FAM13A: variants seen among roughly 807,000 people sequenced by gnomAD.
FAM13A encodes family with sequence similarity 13 member A.
In FAM13A, 76 loss-of-function variants were observed where a neutral mutation model predicts 129.6. The ratio of observed to expected loss-of-function variants is 0.59; its 90% CI spans 0.49 to 0.71. The LOEUF (loss-of-function observed/expected upper bound fraction) is 0.71, where lower values mean the gene tolerates loss of function less well. FAM13A is among the 30% of genes least tolerant of loss of function. The pLI, the probability that FAM13A is intolerant of heterozygous loss-of-function variation, is 0.00. For missense variants in FAM13A, 1,108 were observed against 1,249.3 expected, an observed-to-expected ratio of 0.89 and a Z score of 1.70; for synonymous variants, 443 against 449.9, an observed-to-expected ratio of 0.98 and a Z score of 0.20.
At chr4:89,012,738 C>T (rs1765902735) in intron 3 of FAM13A, among the ~76,000 whole-genome samples, 1 of 152,088 alleles carries the variant, frequency 6.6e-6, no homozygotes, top group African/African-American at 2.4e-5. Flanking sequence ...TGAAAAAATA[C>T]TTAGGGCTCC....
At chr4:88,987,714 C>T (rs1020420279) in intron 4 of FAM13A, among the ~76,000 whole-genome samples, 10 of 151,384 alleles carry the variant, frequency 6.6e-5, no homozygotes, top group Non-Finnish European at 1.2e-4. Context: ...TGGTGGCGGG[C>T]GCCTGTAGTC....
chr4:88,969,722 A>G (rs917159367), intron 4 of FAM13A, among the ~76,000 whole-genome samples: 2 of 152,206 alleles, frequency 1.3e-5, no homozygotes, highest in African/African-American at 2.4e-5. Flanking sequence ...TTAATCCTCC[A>G]GTCTTTATCA....
At chr4:89,013,466 C>A (rs908259724) in intron 3 of FAM13A, among the ~76,000 whole-genome samples, 4 of 151,134 alleles carry the variant, frequency 2.6e-5, no homozygotes, top group Non-Finnish European at 1.5e-5. Flanking sequence ...CTCTATTTGG[C>A]AGCTTACATA....
chr4:88,841,420 G>C (rs1227263494), intron 7 of FAM13A, among the ~76,000 whole-genome samples: 1 of 151,238 alleles, frequency 6.6e-6, no homozygotes. Flanking sequence ...TTTGAACCCG[G>C]GAGGCGGAGG....
intron 5 of FAM13A, among the ~76,000 whole-genome samples, chr4:88,924,751 A>G (rs1751793592): frequency 6.6e-6 from 1 of 151,720 alleles, no homozygotes; most frequent in Non-Finnish European, 1.5e-5. Context: ...AGAAACTACC[A>G]TCAGAGTGAA....
chr4:88,904,583 C>T (rs993399964), intron 6 of FAM13A, among the ~76,000 whole-genome samples: 35 of 152,116 alleles, frequency 2.3e-4, no homozygotes, highest in African/African-American at 6.5e-4. Flanking sequence ...ACATGGACAC[C>T]GGGAGGGGAA....
intron 3 of FAM13A, among the ~76,000 whole-genome samples, chr4:89,005,106 CTTCT>C (rs146701331): frequency 0.13 from 19,631 of 151,898 alleles, 1,462 homozygotes; most frequent in Non-Finnish European, 0.17. Context: ...CTGTTGTTTA[CTTCT>C]TTGTGTTCAT....
rs562696140 is a variant in FAM13A at position 88,781,988 on chromosome 4, AATG to A, written c.1272-640_1272-638del. Among the ~76,000 whole-genome samples, 559 of 136,436 alleles carry A rather than the reference AATG, an allele frequency of 4.1e-3. 1 individual carries two copies. The highest frequency in any genetic ancestry group is 0.012 in the African/African-American group (481 of 38,860). 89.5% of individuals were successfully genotyped at this position (136,436 alleles called of 152,430 possible). The stretch of plus-strand genomic sequence containing the variant: ...ACATGTACCCTAAAACTTAAAGTAT[AATG>A]ATAATAAAATAAAAAAAATTAAAAA... On this transcript the variant is annotated intron_variant, in intron 10 of 23. Coordinates refer to ENST00000264344, the MANE Select transcript of FAM13A (RefSeq NM_014883.4).
At chr4:88,877,233 CA>C (rs1037867879) in intron 6 of FAM13A, among the ~76,000 whole-genome samples, 6 of 152,102 alleles carry the variant, frequency 3.9e-5, no homozygotes, top group Non-Finnish European at 8.8e-5. Context: ...AATTCTTTAG[CA>C]AAAATTTAAT....
rs1053921089 is a variant in FAM13A, at chr4:88,963,449, C to T, written c.606-25208G>A. ...GGTAGCTAGGATTATAGGCACCTGC[C>T]ACCATGCCCAGCGAATTTTTGTATT... On this transcript the variant is annotated intron_variant, in intron 4 of 23. Transcript: ENST00000264344. Among the ~76,000 whole-genome samples the T allele has an allele frequency of 3.3e-5, 5 of 152,196 alleles. No homozygotes were observed. The East Asian group carries it at 9.6e-4, about 29-fold the overall frequency.
chr4:88,868,648 G>A (rs17815876), intron 6 of FAM13A, among the ~76,000 whole-genome samples: 107,741 of 152,050 alleles, frequency 0.71, 39,651 homozygotes, highest in East Asian at 0.95. Context: ...ATTGCCTGCT[G>A]TTTTCCTAGA....
chr4:88,904,931 T>C (rs1366289630), intron 6 of FAM13A, among the ~76,000 whole-genome samples: 4 of 152,206 alleles, frequency 2.6e-5, no homozygotes, highest in Non-Finnish European at 5.9e-5. Flanking sequence ...TTAAAATTTA[T>C]GTAAATACTT....
chr4:89,022,534 A>G (rs1024007888), intron 2 of FAM13A, among the ~76,000 whole-genome samples: 3 of 152,198 alleles, frequency 2.0e-5, no homozygotes, highest in African/African-American at 7.2e-5. Flanking sequence ...CACCACCTAA[A>G]TGGAAGAGAT....
chr4:88,832,791 A>T (rs1408520451), intron 7 of FAM13A, among the ~76,000 whole-genome samples: 3 of 152,232 alleles, frequency 2.0e-5, no homozygotes, highest in Admixed American at 6.5e-5. Flanking sequence ...GGAAATGTAA[A>T]CTAGTTCAAC....
intron 5 of FAM13A, among the ~76,000 whole-genome samples, chr4:88,921,397 C>A (rs1251589591): frequency 6.6e-6 from 1 of 152,154 alleles, no homozygotes; most frequent in Non-Finnish European, 1.5e-5. Flanking sequence ...GGCCAATATT[C>A]AACATTCTTA....
At chr4:88,855,693 A>G (rs1184070479) in intron 6 of FAM13A, 2 of 128,592 alleles carry the variant, frequency 1.6e-5, no homozygotes, top group Non-Finnish European at 3.1e-5. Context: ...AAAATTGAAT[A>G]AGGAACCCAT....
chr4:88,925,426 A>T (rs1461570493), intron 5 of FAM13A, among the ~76,000 whole-genome samples: 1 of 152,100 alleles, frequency 6.6e-6, no homozygotes, highest in Non-Finnish European at 1.5e-5. Flanking sequence ...GAAATTGGAA[A>T]TCATCATTCT....
intron 6 of FAM13A, among the ~76,000 whole-genome samples, chr4:88,852,544 C>G (rs966608281): frequency 2.0e-5 from 3 of 152,146 alleles, no homozygotes; most frequent in African/African-American, 7.2e-5. Context: ...TTACACATTG[C>G]CTGATACTTT....
chr4:88,737,505 C>T lies in FAM13A; in HGVS notation c.2613G>A (p.Glu871=), dbSNP rs1739239796. The T allele has an allele frequency of 6.2e-7, 1 of 1,613,982 alleles. No homozygotes were observed. Among genetic ancestry groups the T allele is most frequent in the South Asian group, 1.1e-5 (1 of 91,082 alleles). ...CCTTGAAGAAGGAAGCAGTTTCGCC[C>T]TCGATAATTGGCTGCAGCAAAGGGC... is the stretch of plus-strand genomic sequence containing the variant. ...RRSPLLQPII[E]GETASFFKEI... The change falls in exon 21 of 24, where the codon GAG becomes GAA. Residue 871 remains glutamate (E), a synonymous_variant. Transcript: ENST00000264344.
Sources: allele counts gnomAD v4.1 joint callset (sites outside exome capture counted in the v4.1 genomes callset), GRCh38; gene constraint gnomAD v4.1.1; transcripts MANE v1.5; gene names NCBI Gene and HGNC (gene_info 2026-07-23, HGNC 2026-07-21).